Variants in TRAPPC9 observed in about 807,000 individuals in gnomAD.
The protein encoded by TRAPPC9 is IKK2 binding protein.
Under a neutral mutation model 124.0 loss-of-function variants are expected in TRAPPC9, and 83 were observed. The observed-to-expected ratio is 0.67, with a 90% CI of 0.56 to 0.80. TRAPPC9 has a LOEUF of 0.80. Among genes scored for constraint, TRAPPC9 ranks in the 30% least tolerant of loss-of-function variants. The probability of loss-of-function intolerance (pLI) is 0.00; values close to 1 mark genes in which losing one functional copy is unlikely to be tolerated. For synonymous variants in TRAPPC9, 638 were observed against 617.5 expected (o/e 1.03, Z -0.49); for missense variants, 1,302 against 1,508.3 (o/e 0.86, Z 2.27).
At chr8:140,146,328 G>T (rs961919395) in intron 17 of TRAPPC9, among the ~76,000 whole-genome samples, 1 of 152,254 alleles carries the variant, frequency 6.6e-6, no homozygotes, top group Non-Finnish European at 1.5e-5. Context: ...AGCTGTGGGG[G>T]CCACCCCGGC....
rs1781071271 is a variant in TRAPPC9 at position 140,419,661 on chromosome 8, A to T, written c.886+6954T>A. ...AACACTTTGGGAGGCCGAGGCAAGG[A>T]GATCACGAGGTCAGGAGATCAAAAC... On this transcript the variant is annotated intron_variant, in intron 5 of 22. Transcript: ENST00000438773. Among the ~76,000 whole-genome samples, 4 of 151,080 alleles carry T rather than the reference A, an allele frequency of 2.6e-5. No homozygotes were observed. The South Asian group carries it at 8.4e-4, about 32-fold the overall frequency.
At chr8:140,193,280 G>A (rs1466436913) in intron 17 of TRAPPC9, among the ~76,000 whole-genome samples, 3 of 152,112 alleles carry the variant, frequency 2.0e-5, no homozygotes, top group African/African-American at 2.4e-5. Flanking sequence ...TTTCCCCCAC[G>A]GGAATAAATT....
At chr8:140,232,355 G>A (rs1419224501) in intron 16 of TRAPPC9, among the ~76,000 whole-genome samples, 1 of 151,930 alleles carries the variant, frequency 6.6e-6, no homozygotes, top group Non-Finnish European at 1.5e-5. Flanking sequence ...CAAGATCTTG[G>A]GGAGCAAGTG....
At chr8:140,268,028 T>C (rs2064742995) in intron 15 of TRAPPC9, among the ~76,000 whole-genome samples, 1 of 152,030 alleles carries the variant, frequency 6.6e-6, no homozygotes, top group Non-Finnish European at 1.5e-5. Context: ...AAGAGAATCA[T>C]ATGGGAACCC....
At chr8:139,804,097 C>G (rs1231618271) in intron 21 of TRAPPC9, among the ~76,000 whole-genome samples, 1 of 148,124 alleles carries the variant, frequency 6.8e-6, no homozygotes, top group African/African-American at 2.5e-5. Flanking sequence ...CCACCACCAC[C>G]ACTCACCACC....
chr8:140,205,085 A>G (rs1360221450), intron 17 of TRAPPC9, among the ~76,000 whole-genome samples: 2 of 152,246 alleles, frequency 1.3e-5, no homozygotes, highest in Non-Finnish European at 2.9e-5. Context: ...GTGTAGGAAT[A>G]CTCAAAGTAG....
At chr8:139,888,192 G>A (rs1434564323) in intron 20 of TRAPPC9, among the ~76,000 whole-genome samples, 1 of 152,242 alleles carries the variant, frequency 6.6e-6, no homozygotes, top group Non-Finnish European at 1.5e-5. Context: ...GAGGCCGGCA[G>A]AGATGCCCTG....
chr8:140,271,852 A>G (rs532006391), intron 15 of TRAPPC9, among the ~76,000 whole-genome samples: 2 of 152,330 alleles, frequency 1.3e-5, no homozygotes, highest in South Asian at 4.1e-4. Context: ...CAAAACTTCA[A>G]TCCTCATGAC....
chr8:140,083,189 T>A (rs1843953196), intron 17 of TRAPPC9, among the ~76,000 whole-genome samples: 1 of 122,844 alleles, frequency 8.1e-6, no homozygotes, highest in African/African-American at 2.5e-5. Flanking sequence ...TGAGACTCCA[T>A]CTCAAAAAAA....
intron 19 of TRAPPC9, among the ~76,000 whole-genome samples, chr8:139,930,305 G>A (rs1361914017): frequency 6.6e-6 from 1 of 152,238 alleles, no homozygotes; most frequent in Non-Finnish European, 1.5e-5. Flanking sequence ...GCCGGGAGTT[G>A]ATGTGTAACG....
rs763233361 is a variant in TRAPPC9, at chr8:139,907,255, C to A, written c.2964+2892G>T. 3.9e-5 allele frequency among the ~76,000 whole-genome samples: 6 copies of A among 152,160 alleles called. No homozygotes were observed. The highest frequency in any genetic ancestry group is 1.3e-4 in the Admixed American group (2 of 15,286). Reference sequence around the variant, plus strand: ...GGTGTGCATCGACCCAGTGCAAGATCCCCAATTTCCTTTAAAACGCATCTA... The same window carrying A: ...GGTGTGCATCGACCCAGTGCAAGATACCCAATTTCCTTTAAAACGCATCTA... On this transcript the variant is annotated intron_variant, in intron 20 of 22. Coordinates refer to ENST00000438773, the MANE Select transcript of TRAPPC9 (RefSeq NM_001160372.4). The surrounding 1 kb of genome is among the most constrained non-coding windows in gnomAD (Gnocchi z 4.7).
chr8:140,357,555 A>T (rs1166428600), intron 9 of TRAPPC9, among the ~76,000 whole-genome samples: 1 of 151,596 alleles, frequency 6.6e-6, no homozygotes, highest in Non-Finnish European at 1.5e-5. Context: ...ACCTCTTTAG[A>T]TTTGCTGGAT....
chr8:140,018,324 A>ATTTTTTTTTTTTTCTTTTTTTTTT (rs1839608437), intron 18 of TRAPPC9, among the ~76,000 whole-genome samples: 1 of 119,778 alleles, frequency 8.3e-6, no homozygotes, highest in African/African-American at 3.3e-5. Context: ...AACGTAAGTG[A>ATTTTTTTTTTTTTCTTTTTTTTTT]TTTTTTTTTT....
At chr8:140,194,808 TCAA>T (rs954078422) in intron 17 of TRAPPC9, among the ~76,000 whole-genome samples, 17 of 152,024 alleles carry the variant, frequency 1.1e-4, no homozygotes, top group Admixed American at 3.3e-4. Flanking sequence ...TAAAACACAC[TCAA>T]CAACCTATCG....
At chr8:139,902,773 C>A (rs10107700) in intron 20 of TRAPPC9, among the ~76,000 whole-genome samples, 204 of 152,040 alleles carry the variant, frequency 1.3e-3, no homozygotes, top group African/African-American at 4.8e-3. Context: ...ACACAGCCCA[C>A]GTCAAGTGCC....
chr8:139,771,172 C>A (rs1820934315), intron 21 of TRAPPC9, among the ~76,000 whole-genome samples: 1 of 152,170 alleles, frequency 6.6e-6, no homozygotes, highest in African/African-American at 2.4e-5. Context: ...CACCTCCAGT[C>A]CTGGTGCTAG....
chr8:139,848,649 T>C (rs539306081), intron 21 of TRAPPC9, among the ~76,000 whole-genome samples: 4 of 152,284 alleles, frequency 2.6e-5, no homozygotes, highest in African/African-American at 9.6e-5. Context: ...TAAATATGCA[T>C]GTGTGGGTAT....
chr8:140,294,061 C>T (rs1588109482), intron 11 of TRAPPC9, among the ~76,000 whole-genome samples: 1 of 152,056 alleles, frequency 6.6e-6, no homozygotes, highest in Admixed American at 6.6e-5. Context: ...GACAGGCTGG[C>T]CCGCCTGCCT....
intron 7 of TRAPPC9, among the ~76,000 whole-genome samples, chr8:140,376,399 AC>A (rs1326288321): frequency 1.3e-5 from 2 of 151,902 alleles, no homozygotes; most frequent in African/African-American, 4.8e-5. Flanking sequence ...TACTAAAAAT[AC>A]AAAAAATTAG....
Sources: gnomAD v4.1 joint callset for allele counts (sites outside exome capture counted in the v4.1 genomes callset) on GRCh38, gnomAD v4.1.1 for gene constraint, Gnocchi (gnomAD v3.1) non-coding constraint, MANE v1.5 for transcripts, NCBI Gene and HGNC (gene_info 2026-07-23, HGNC 2026-07-21) for gene names.